SEC24A: variants seen among roughly 807,000 people sequenced by gnomAD.
SEC24A encodes protein transport protein Sec24A.
In SEC24A, 93 loss-of-function variants were observed where a neutral mutation model predicts 129.4. That is an observed-to-expected ratio of 0.72 (90% CI 0.61 to 0.85). SEC24A has a LOEUF of 0.85. Among genes scored for constraint, SEC24A ranks in the 40% least tolerant of loss-of-function variants. The pLI is 0.00. For synonymous variants in SEC24A, 460 were observed against 467.3 expected, an observed-to-expected ratio of 0.98 and a Z score of 0.20; for missense variants, 1,264 against 1,307.4, an observed-to-expected ratio of 0.97 and a Z score of 0.51.
At chr5:134,709,612 T>C (rs1580734179) in intron 18 of SEC24A, among the ~76,000 whole-genome samples, 1 of 152,058 alleles carries the variant, frequency 6.6e-6, no homozygotes, top group African/African-American at 2.4e-5. Flanking sequence ...AGAGGCTGGG[T>C]GGTGGGGCAG....
chr5:134,704,122 T>C (rs1243138999), intron 16 of SEC24A, among the ~76,000 whole-genome samples, 190 bp downstream of exon 16: 2 of 152,066 alleles, frequency 1.3e-5, no homozygotes, highest in African/African-American at 4.8e-5. Flanking sequence ...CAGGCTGGAG[T>C]GCAGTGGCGC....
At chr5:134,667,653 C>CAAAAA (rs1203841096) in intron 3 of SEC24A, among the ~76,000 whole-genome samples, 1 of 41,080 alleles carries the variant, frequency 2.4e-5, no homozygotes. Flanking sequence ...GACTCCGTCT[C>CAAAAA]AAAAAAAAAA....
chr5:134,680,224 C>G (rs1010718065), intron 8 of SEC24A, among the ~76,000 whole-genome samples: 4 of 152,100 alleles, frequency 2.6e-5, no homozygotes, highest in Admixed American at 2.0e-4. Context: ...TATTTGAGGA[C>G]TATAATGTAA....
At chr5:134,700,257 GT>G (rs1751965480) in intron 15 of SEC24A, among the ~76,000 whole-genome samples, 1 of 151,398 alleles carries the variant, frequency 6.6e-6, no homozygotes, top group Admixed American at 6.6e-5. Flanking sequence ...GTGTTGCTCT[GT>G]CCCCCTGGCT....
chr5:134,708,688 T>C, intron 17 of SEC24A, 25 bp from the exon 18 acceptor site: 1 of 1,589,168 alleles, frequency 6.3e-7, no homozygotes, highest in Non-Finnish European at 8.5e-7. Flanking sequence ...TATTTCTTTT[T>C]TGTCCTTACC....
At chr5:134,660,736 T>A in intron 1 of SEC24A, among the ~76,000 whole-genome samples, 1 of 152,070 alleles carries the variant, frequency 6.6e-6, no homozygotes, top group Non-Finnish European at 1.5e-5. Flanking sequence ...TTGTTTTTTT[T>A]TATAGGCATG....
intron 15 of SEC24A, 21 bp downstream of exon 15, chr5:134,698,078 C>A (rs768865815): frequency 1.9e-6 from 3 of 1,586,920 alleles, no homozygotes; most frequent in Non-Finnish European, 2.6e-6. Context: ...TTTTTTTTTG[C>A]GTAGGACTGA....
At chr5:134,709,573 CG>C (rs1405982714) in intron 18 of SEC24A, among the ~76,000 whole-genome samples, 2 of 152,068 alleles carry the variant, frequency 1.3e-5, no homozygotes, top group Non-Finnish European at 2.9e-5. Context: ...ATCAAACACA[CG>C]GAAGCAGAAA....
chr5:134,649,073 C>T lies in SEC24A; in HGVS notation c.-4C>T, dbSNP rs1749957298. 5.0e-6 allele frequency: 8 copies of T among 1,606,884 alleles called. No homozygotes were observed. In the Middle Eastern group the frequency reaches 4.9e-4, roughly 99 times the overall value. ...CCCGACCAGCCCCTTCCAACCCAGT[C>T]ATCATGTCCCAGCCGGGAATACCGG... On this transcript the variant is annotated 5_prime_UTR_variant, in exon 1 of 23. Transcript: ENST00000398844.
At chr5:134,715,319 A>T (rs1013998116) in intron 19 of SEC24A, among the ~76,000 whole-genome samples, 158 bp downstream of exon 19, 1 of 152,146 alleles carries the variant, frequency 6.6e-6, no homozygotes, top group Admixed American at 6.6e-5. Flanking sequence ...AAATTTTAGT[A>T]TAGGGAAGCT....
chr5:134,698,698 C>G (rs1049695499), intron 15 of SEC24A, among the ~76,000 whole-genome samples: 1 of 137,322 alleles, frequency 7.3e-6, no homozygotes, highest in Non-Finnish European at 1.5e-5. Context: ...GTGACACAAT[C>G]TTGGCTAACT....
At chr5:134,659,966 A>T (rs1215046281) in intron 1 of SEC24A, among the ~76,000 whole-genome samples, 1 of 151,838 alleles carries the variant, frequency 6.6e-6, no homozygotes, top group Non-Finnish European at 1.5e-5. Context: ...TTTCATCTTT[A>T]TTGGCCTGTC....
intron 8 of SEC24A, among the ~76,000 whole-genome samples, chr5:134,680,226 A>G (rs1751217709): frequency 6.6e-6 from 1 of 152,234 alleles, no homozygotes; most frequent in Non-Finnish European, 1.5e-5. Flanking sequence ...TTTGAGGACT[A>G]TAATGTAATC....
chr5:134,702,158 T>TTTTC (rs940287556), intron 15 of SEC24A, among the ~76,000 whole-genome samples: 5 of 152,110 alleles, frequency 3.3e-5, no homozygotes, highest in African/African-American at 9.7e-5. Context: ...ACATTCTCCT[T>TTTTC]TTTCTTTCTT....
At chr5:134,690,591 A>G (rs1212377273) in intron 11 of SEC24A, among the ~76,000 whole-genome samples, 1 of 152,234 alleles carries the variant, frequency 6.6e-6, no homozygotes, top group Non-Finnish European at 1.5e-5. Flanking sequence ...TTGAGAGTAT[A>G]GGCATGGGCC....
At chr5:134,699,026 A>G (rs543066398) in intron 15 of SEC24A, among the ~76,000 whole-genome samples, 2 of 151,690 alleles carry the variant, frequency 1.3e-5, no homozygotes, top group Non-Finnish European at 1.5e-5. Context: ...CCCTGACTCA[A>G]GTGATCCTCC....
chr5:134,654,797 G>A (rs1226498530), intron 1 of SEC24A, among the ~76,000 whole-genome samples: 2 of 152,136 alleles, frequency 1.3e-5, no homozygotes, highest in Admixed American at 1.3e-4. Context: ...GCTCACTGCA[G>A]CCTTAACCTC....
rs373333658 is a variant in SEC24A, at chr5:134,661,079, A to G, written c.98-40A>G. 50 of 1,357,238 alleles carry G rather than the reference A, an allele frequency of 3.7e-5. No homozygotes were observed. The African/African-American group carries it at 5.1e-4, about 14-fold the overall frequency. The allele number at this position is 1,357,238 out of a possible 1,614,324, so 84.1% of individuals were successfully genotyped here. On this transcript the variant is annotated intron_variant, in intron 1 of 22. Coordinates refer to ENST00000398844, the MANE Select transcript of SEC24A (RefSeq NM_021982.3). ...ACTTTATTTCTTAAAGTATTGCTAT[A>G]TTCGTTGGTAAGACTAATTTTTCCT...
chr5:134,672,706 TTTA>T (rs1225976254), intron 4 of SEC24A, among the ~76,000 whole-genome samples: 1 of 152,130 alleles, frequency 6.6e-6, no homozygotes, highest in African/African-American at 2.4e-5. Context: ...GGATCATGGA[TTTA>T]TTATTATTAT....
Sources: gnomAD v4.1 joint callset for allele counts (sites outside exome capture counted in the v4.1 genomes callset) on GRCh38, gnomAD v4.1.1 for gene constraint, MANE v1.5 for transcripts, NCBI Gene and HGNC (gene_info 2026-07-23, HGNC 2026-07-21) for gene names.